KCND3: variants seen among roughly 807,000 people sequenced by gnomAD.
KCND3 encodes the protein potassium voltage-gated channel subfamily D member 3, also known as A-type voltage-gated potassium channel KCND3.
Under a neutral mutation model 51.1 loss-of-function variants are expected in KCND3, and 9 were observed. The ratio of observed to expected loss-of-function variants is 0.18; its 90% CI spans 0.11 to 0.31. The LOEUF (loss-of-function observed/expected upper bound fraction) is 0.31, where lower values mean the gene tolerates loss of function less well. Among genes scored for constraint, KCND3 ranks in the 10% least tolerant of loss-of-function variants. KCND3 has a pLI of 1.00. For synonymous variants in KCND3, 349 were observed against 368.0 expected (o/e 0.95, Z 0.59); for missense variants, 526 against 903.8 (o/e 0.58, Z 5.36).
At chr1:111,863,367 G>A (rs935264380) in intron 2 of KCND3, among the ~76,000 whole-genome samples, 3 of 151,682 alleles carry the variant, frequency 2.0e-5, no homozygotes, top group Non-Finnish European at 4.4e-5. Flanking sequence ...CTCGATGATA[G>A]AGATGAAAAT....
At chr1:111,899,385 G>C (rs1322229682) in intron 2 of KCND3, among the ~76,000 whole-genome samples, 1 of 152,222 alleles carries the variant, frequency 6.6e-6, no homozygotes, top group Non-Finnish European at 1.5e-5. Context: ...TGCTCAATGA[G>C]CATCAATTTG....
At chr1:111,849,305 G>A (rs1162002940) in intron 2 of KCND3, among the ~76,000 whole-genome samples, 1 of 152,248 alleles carries the variant, frequency 6.6e-6, no homozygotes, top group Non-Finnish European at 1.5e-5. Context: ...GCCATCAGCT[G>A]TGCCACAGCA....
chr1:111,984,715 C>A (rs780504071), intron 1 of KCND3, among the ~76,000 whole-genome samples: 1 of 152,176 alleles, frequency 6.6e-6, no homozygotes, highest in East Asian at 1.9e-4. Flanking sequence ...GGCCCAGGCA[C>A]CCATCCTAGT....
At chr1:111,809,597 C>T (rs888391998) in intron 2 of KCND3, among the ~76,000 whole-genome samples, 4 of 152,112 alleles carry the variant, frequency 2.6e-5, no homozygotes, top group Non-Finnish European at 4.4e-5. Flanking sequence ...CATGAGCCAC[C>T]GCGCCCAGCC....
intron 2 of KCND3, among the ~76,000 whole-genome samples, chr1:111,887,021 G>C (rs570163324): frequency 6.6e-6 from 1 of 152,288 alleles, no homozygotes; most frequent in East Asian, 1.9e-4. Context: ...CTGTGTGTGT[G>C]ACTCTGCCAG....
intron 2 of KCND3, among the ~76,000 whole-genome samples, chr1:111,831,858 C>A (rs1473427544): frequency 6.6e-6 from 1 of 152,142 alleles, no homozygotes; most frequent in East Asian, 1.9e-4. Flanking sequence ...TCCTTGAGGC[C>A]AGGAATGGGA....
chr1:111,913,355 C>G (rs1571841959), intron 2 of KCND3, among the ~76,000 whole-genome samples: 1 of 152,266 alleles, frequency 6.6e-6, no homozygotes, highest in African/African-American at 2.4e-5. Context: ...GACTGTATCC[C>G]CATTGTTTAG....
chr1:111,848,315 T>C (rs138254708), intron 2 of KCND3, among the ~76,000 whole-genome samples: 52 of 152,336 alleles, frequency 3.4e-4, no homozygotes, highest in African/African-American at 1.2e-3. Flanking sequence ...TTCCTGACCC[T>C]GGGACCCCAG....
Position 111,901,833 on chromosome 1 carries a change from C to T in KCND3, c.1106+79788G>A, listed in dbSNP as rs150083115. 5.3e-5 allele frequency among the ~76,000 whole-genome samples: 8 copies of T among 152,258 alleles called. No individual in the cohort carries two copies. The East Asian group carries it at 5.8e-4, about 11-fold the overall frequency. On this transcript the variant is annotated intron_variant, in intron 2 of 7. Transcript: ENST00000302127. ...ACCCTGAAAGCATAATCTCTCACCA[C>T]GGTCCCCACCCCAAGGTTCCCAGGA...
In KCND3 at chr1:111,771,405, A is replaced by T. The variant is rs1571615900; in HGVS notation, c.*4672T>A. ...CAGAAAGAGAAAATAAAAGTTTGTCATGGTTACCATGCCAAGTAGTGTAGA... is the reference window on the plus strand; with the variant it reads ...CAGAAAGAGAAAATAAAAGTTTGTCTTGGTTACCATGCCAAGTAGTGTAGA... On this transcript the variant is annotated 3_prime_UTR_variant, in exon 8 of 8. Coordinates refer to ENST00000302127, the MANE Select transcript of KCND3 (RefSeq NM_001378969.1). The T allele has an allele frequency of 6.6e-6, 1 of 152,190 alleles. No individual in the cohort carries two copies. Among genetic ancestry groups the T allele is most frequent in the Non-Finnish European group, 1.5e-5 (1 of 68,026 alleles). 9.4% of individuals were successfully genotyped at this position (152,190 alleles called of 1,614,324 possible).
chr1:111,797,774 T>TA (rs1223528802), intron 2 of KCND3, among the ~76,000 whole-genome samples: 2 of 151,362 alleles, frequency 1.3e-5, no homozygotes, highest in Admixed American at 1.3e-4. Context: ...GCTGGAGGGG[T>TA]AGTCACATGA....
At chr1:111,863,225 T>C (rs994255331) in intron 2 of KCND3, among the ~76,000 whole-genome samples, 23 of 152,220 alleles carry the variant, frequency 1.5e-4, no homozygotes, top group African/African-American at 5.1e-4. Context: ...TTGTGTGACA[T>C]GTTCAAGGTC....
intron 2 of KCND3, among the ~76,000 whole-genome samples, chr1:111,907,661 G>C (rs1670711138): frequency 6.6e-6 from 1 of 152,252 alleles, no homozygotes; most frequent in African/African-American, 2.4e-5. Context: ...AGGTAGCTAA[G>C]TTTTGGGGGA....
At chr1:111,891,861 C>T (rs1162095502) in intron 2 of KCND3, among the ~76,000 whole-genome samples, 1 of 152,154 alleles carries the variant, frequency 6.6e-6, no homozygotes, top group Non-Finnish European at 1.5e-5. Flanking sequence ...TACTTTCTGA[C>T]CATCTACTAT....
chr1:111,938,050 C>A (rs1026967746), intron 2 of KCND3, among the ~76,000 whole-genome samples: 1 of 152,226 alleles, frequency 6.6e-6, no homozygotes, highest in African/African-American at 2.4e-5. Flanking sequence ...CATTTCAGCT[C>A]ACTTCTCCCC....
At chr1:111,793,499 A>G (rs1047165053) in intron 2 of KCND3, among the ~76,000 whole-genome samples, 2 of 151,100 alleles carry the variant, frequency 1.3e-5, no homozygotes, top group African/African-American at 4.8e-5. Context: ...TTAAAATGCA[A>G]ATCAAAGCAT....
chr1:111,798,334 C>T (rs1665149771), intron 2 of KCND3, among the ~76,000 whole-genome samples: 1 of 152,162 alleles, frequency 6.6e-6, no homozygotes, highest in African/African-American at 2.4e-5. Context: ...CTCATCTTTC[C>T]AGATGCTGTT....
In KCND3 at chr1:111,775,110, C is replaced by T. The variant is rs959194544; in HGVS notation, c.*967G>A. 2.0e-5 allele frequency: 3 copies of T among 152,246 alleles called. No homozygotes were observed. The highest frequency in any genetic ancestry group is 2.1e-4 in the South Asian group (1 of 4,826). 9.4% of individuals were successfully genotyped at this position (152,246 alleles called of 1,614,324 possible). ...TGTTCTGTGAGGTAGACTTCCCTTA[C>T]CCCTAAACTCTCCCAATTTTTGCTT... On this transcript the variant is annotated 3_prime_UTR_variant, in exon 8 of 8. Transcript: ENST00000302127.
At chr1:111,884,937 G>A (rs1354193556) in intron 2 of KCND3, among the ~76,000 whole-genome samples, 2 of 152,150 alleles carry the variant, frequency 1.3e-5, no homozygotes, top group African/African-American at 4.8e-5. Flanking sequence ...TGTGCATTGT[G>A]AAATGTTCAG....
Sources: allele counts gnomAD v4.1 joint callset (sites outside exome capture counted in the v4.1 genomes callset), GRCh38; gene constraint gnomAD v4.1.1; transcripts MANE v1.5; gene names NCBI Gene and HGNC (gene_info 2026-07-23, HGNC 2026-07-21).